The following ATP8A1 variants were observed in gnomAD, a reference collection of about 807,000 sequenced individuals.
ATP8A1 encodes the protein phospholipid-transporting ATPase IA.
In ATP8A1, 90 loss-of-function variants were observed where a neutral mutation model predicts 177.7. The ratio of observed to expected loss-of-function variants is 0.51; its 90% CI spans 0.43 to 0.60. ATP8A1 has a LOEUF of 0.60. Among genes scored for constraint, ATP8A1 ranks in the 20% least tolerant of loss-of-function variants. The pLI is 0.00. For missense variants in ATP8A1, 1,072 were observed against 1,392.8 expected, an observed-to-expected ratio of 0.77 and a Z score of 3.67; for synonymous variants, 493 against 485.9, an observed-to-expected ratio of 1.01 and a Z score of -0.19.
At chr4:42,492,437 G>A (rs749786254) in intron 24 of ATP8A1, among the ~76,000 whole-genome samples, 106 of 152,128 alleles carry the variant, frequency 7.0e-4, no homozygotes, top group Non-Finnish European at 1.0e-3. Flanking sequence ...GGCGTTAAGA[G>A]GTAGGGTCTT....
chr4:42,459,640 G>T (rs1718872207), intron 27 of ATP8A1: 1 of 179,208 alleles, frequency 5.6e-6, no homozygotes, highest in Non-Finnish European at 1.2e-5. Flanking sequence ...AAACAACAAA[G>T]AATATTTTTT....
At chr4:42,544,052 GC>G in intron 19 of ATP8A1, 66 bp from the exon 20 acceptor site, 1 of 1,274,472 alleles carries the variant, frequency 7.8e-7, no homozygotes, top group East Asian at 2.4e-5. Flanking sequence ...TGTTTGTCAT[GC>G]CTCACATATT....
intron 20 of ATP8A1, among the ~76,000 whole-genome samples, chr4:42,534,940 T>A (rs1271988508): frequency 6.6e-6 from 1 of 152,120 alleles, no homozygotes; most frequent in Non-Finnish European, 1.5e-5. Context: ...ATACAGTCTT[T>A]TTCGGAAAAA....
chr4:42,587,650 A>G (rs1334975574), intron 8 of ATP8A1, among the ~76,000 whole-genome samples: 1 of 146,458 alleles, frequency 6.8e-6, no homozygotes, highest in Admixed American at 6.9e-5. Context: ...TCTGTCGCCC[A>G]GGCTGGAGTG....
chr4:42,651,458 T>G (rs1347571989), intron 1 of ATP8A1, among the ~76,000 whole-genome samples: 2 of 152,166 alleles, frequency 1.3e-5, no homozygotes, highest in Non-Finnish European at 2.9e-5. Context: ...AATGATACAA[T>G]GAATTCCAAG....
Position 42,421,326 on chromosome 4 carries a change from T to C in ATP8A1, c.3305+1481A>G, listed in dbSNP as rs575710139. On this transcript the variant is annotated intron_variant, in intron 35 of 36. Transcript: ENST00000381668. Reference sequence around the variant, plus strand: ...TAGTAGGCTGTTTTTTGCAGCTCTATTATATTTTTGAACAAACAGCAAAAG... The same window carrying C: ...TAGTAGGCTGTTTTTTGCAGCTCTACTATATTTTTGAACAAACAGCAAAAG... Among the ~76,000 whole-genome samples, 15 of 152,252 alleles carry C rather than the reference T, an allele frequency of 9.9e-5. No homozygotes were observed. In the South Asian group the frequency reaches 2.3e-3, roughly 23 times the overall value.
At chr4:42,413,070 T>A (rs1712808437) in intron 36 of ATP8A1, 57 bp from the exon 37 acceptor site, 1 of 1,450,422 alleles carries the variant, frequency 6.9e-7, no homozygotes, top group African/African-American at 1.4e-5. Flanking sequence ...CCACCGTTAT[T>A]CTGACTTTTG....
At chr4:42,562,789 G>A (rs190906752) in intron 15 of ATP8A1, among the ~76,000 whole-genome samples, 2 of 152,274 alleles carry the variant, frequency 1.3e-5, no homozygotes, top group African/African-American at 2.4e-5. Context: ...TTACAAGGGG[G>A]AGTTTTCCTG....
chr4:42,546,141 C>T (rs1728892817), intron 19 of ATP8A1, among the ~76,000 whole-genome samples: 1 of 152,102 alleles, frequency 6.6e-6, no homozygotes, highest in Non-Finnish European at 1.5e-5. Flanking sequence ...CTCACTTTCT[C>T]AGTAACCTCG....
intron 24 of ATP8A1, among the ~76,000 whole-genome samples, chr4:42,496,434 C>T (rs561074075): frequency 3.3e-5 from 5 of 152,184 alleles, no homozygotes; most frequent in East Asian, 1.9e-4. Context: ...GCAAAGCACG[C>T]GGGGAGGAAC....
intron 5 of ATP8A1, among the ~76,000 whole-genome samples, chr4:42,601,184 C>T (rs759386632): frequency 3.3e-5 from 5 of 151,622 alleles, no homozygotes; most frequent in Non-Finnish European, 4.4e-5. Context: ...TACAGGCATG[C>T]ACCACCATGT....
intron 20 of ATP8A1, among the ~76,000 whole-genome samples, chr4:42,527,472 T>C (rs1050699909): frequency 6.6e-5 from 10 of 152,156 alleles, no homozygotes; most frequent in African/African-American, 2.4e-4. Flanking sequence ...CTCTGAACCA[T>C]GTTGCCATCA....
intron 1 of ATP8A1, among the ~76,000 whole-genome samples, chr4:42,654,711 C>T (rs1015201029): frequency 9.2e-5 from 14 of 152,188 alleles, no homozygotes; most frequent in Non-Finnish European, 1.5e-5. Flanking sequence ...AACACAGAGA[C>T]TCTTTTTGAG....
intron 4 of ATP8A1, among the ~76,000 whole-genome samples, chr4:42,624,018 G>T (rs1737784082): frequency 6.6e-6 from 1 of 152,002 alleles, no homozygotes; most frequent in South Asian, 2.1e-4. Context: ...TTATAAAGGA[G>T]AAAGAGACTT....
chr4:42,582,815 C>T (rs987520032), intron 9 of ATP8A1, among the ~76,000 whole-genome samples: 1 of 152,034 alleles, frequency 6.6e-6, no homozygotes, highest in Non-Finnish European at 1.5e-5. Context: ...TTTCACAAGG[C>T]TACCCACTAT....
chr4:42,422,812 T>C lies in ATP8A1; in HGVS notation c.3300A>G (p.Gly1100=). 1 of 1,611,708 alleles carries C rather than the reference T, an allele frequency of 6.2e-7. No homozygotes were observed. Among genetic ancestry groups the C allele is most frequent in the Non-Finnish European group, 8.5e-7 (1 of 1,178,920 alleles). ...KSQDPGAVVL[G]KSLTERAQLL... ...ATATTCACTGTGTATTTTACCTTTT[T>C]CCAAGTACAACTGCTCCTGGGTCTT... The change falls in exon 35 of 37, where the codon GGA becomes GGG. Residue 1100 remains glycine (G), a synonymous_variant. Transcript: ENST00000381668.
intron 24 of ATP8A1, among the ~76,000 whole-genome samples, chr4:42,485,916 T>C (rs751881291): frequency 6.6e-6 from 1 of 152,230 alleles, no homozygotes; most frequent in Non-Finnish European, 1.5e-5. Flanking sequence ...GACTAGACTA[T>C]AAGTCACCTG....
chr4:42,443,440 T>C, intron 33 of ATP8A1, 125 bp downstream of exon 33: 1 of 540,606 alleles, frequency 1.8e-6, no homozygotes, highest in Non-Finnish European at 3.3e-6. Flanking sequence ...AAACAGCTTT[T>C]AAATGGTCAA....
At chr4:42,633,461 T>C (rs1446939241) in intron 1 of ATP8A1, among the ~76,000 whole-genome samples, 2 of 152,198 alleles carry the variant, frequency 1.3e-5, no homozygotes, top group African/African-American at 2.4e-5. Context: ...AAGAATCTAC[T>C]ATGTTTTGGG....
Sources: gnomAD v4.1 joint callset for allele counts (sites outside exome capture counted in the v4.1 genomes callset) on GRCh38, gnomAD v4.1.1 for gene constraint, MANE v1.5 for transcripts, NCBI Gene and HGNC (gene_info 2026-07-23, HGNC 2026-07-21) for gene names.